The following ERLIN1 variants were observed in gnomAD, a reference collection of about 807,000 sequenced individuals.
The protein encoded by ERLIN1 is ER lipid raft associated 1, also known as erlin-1.
ERLIN1 carries 24 observed loss-of-function variants against 46.9 expected under a neutral mutation model. The ratio of observed to expected loss-of-function variants is 0.51; its 90% CI spans 0.37 to 0.72. The LOEUF (loss-of-function observed/expected upper bound fraction) is 0.72. ERLIN1 is among the 30% of genes least tolerant of loss of function. The probability of loss-of-function intolerance (pLI) is 0.00; values close to 1 mark genes in which losing one functional copy is unlikely to be tolerated. For missense variants in ERLIN1, 293 were observed against 417.9 expected, an observed-to-expected ratio of 0.70 and a Z score of 2.61; for synonymous variants, 158 against 143.2, an observed-to-expected ratio of 1.10 and a Z score of -0.74.
intron 8 of ERLIN1, among the ~76,000 whole-genome samples, chr10:100,158,823 G>A (rs115272306): frequency 0.01 from 1,531 of 151,930 alleles, 20 homozygotes; most frequent in Middle Eastern, 0.041. Context: ...TTCCAATCAA[G>A]TAAAAGGAAG....
At chr10:100,179,107 A>G in intron 3 of ERLIN1, 94 bp downstream of exon 3, 1 of 935,466 alleles carries the variant, frequency 1.1e-6, no homozygotes, top group Non-Finnish European at 1.7e-6. Flanking sequence ...GTTAACTATC[A>G]TGCCTATTTG....
intron 8 of ERLIN1, among the ~76,000 whole-genome samples, chr10:100,158,520 C>T (rs1476187278): frequency 2.0e-5 from 3 of 151,492 alleles, no homozygotes; most frequent in Admixed American, 6.5e-5. Flanking sequence ...AACTTTCACT[C>T]CTTAGTCTTC....
intron 10 of ERLIN1, 71 bp downstream of exon 10, chr10:100,154,789 T>A (rs1842986847): frequency 2.5e-6 from 3 of 1,192,920 alleles, no homozygotes; most frequent in Non-Finnish European, 3.7e-6. Flanking sequence ...TTCTATCATA[T>A]CAGAGCTCCT....
At position 100,183,773 on chromosome 10, in the gene ERLIN1, T is replaced by C. The variant is rs1040330782; in HGVS notation, c.178A>G (p.Thr60Ala). The C allele has an allele frequency of 1.1e-5, 17 of 1,612,708 alleles. No individual in the cohort carries two copies. Among genetic ancestry groups the C allele is most frequent in the East Asian group, 2.2e-5 (1 of 44,880 alleles). ...TCACTCACCTGCACAGATCTGAACG[T>C]AGTAATGAAAGGCAACATGATATGA... Reference protein sequence around the residue: ...GYHIMLPFITTFRSVQTTLQT... With the variant: ...GYHIMLPFITAFRSVQTTLQT... Residue 60 changes from threonine (T) to alanine (A), a missense_variant, in exon 2 of 11, where the codon ACG becomes GCG. Physicochemically the swap from Thr to Ala is moderately conservative, Grantham distance 58. Transcript: ENST00000421367.
chr10:100,185,966 C>T lies in ERLIN1; in HGVS notation c.-340G>A, dbSNP rs1844958812. 2 of 461,684 alleles carry T rather than the reference C, an allele frequency of 4.3e-6. No homozygotes were observed. Among genetic ancestry groups the T allele is most frequent in the African/African-American group, 4.1e-5 (2 of 49,332 alleles). The allele number at this position is 461,684 out of a possible 1,614,324, so 28.6% of individuals were successfully genotyped here. ...GACCCCTCGGCCGCGCCTCACCGAT[C>T]AGTGACGCATCGCCCCCGCCCGCAC... On this transcript the variant is annotated 5_prime_UTR_variant, in exon 1 of 11. It removes the in-frame stop codon of an upstream open reading frame in the 5' UTR. Coordinates refer to ENST00000421367, the MANE Select transcript of ERLIN1 (RefSeq NM_006459.4).
chr10:100,161,389 G>A (rs1166141105), intron 8 of ERLIN1, among the ~76,000 whole-genome samples: 1 of 152,136 alleles, frequency 6.6e-6, no homozygotes, highest in Non-Finnish European at 1.5e-5. Flanking sequence ...TAATAAATGT[G>A]CAAGAACTTT....
At chr10:100,165,587 T>C (rs948377147) in intron 7 of ERLIN1, among the ~76,000 whole-genome samples, 17 of 151,746 alleles carry the variant, frequency 1.1e-4, no homozygotes, top group Non-Finnish European at 1.5e-4. Flanking sequence ...GGGGTTTCAT[T>C]GTGTTAGCTA....
intron 4 of ERLIN1, among the ~76,000 whole-genome samples, chr10:100,176,631 T>A (rs1276216311): frequency 6.6e-6 from 1 of 152,210 alleles, no homozygotes; most frequent in Non-Finnish European, 1.5e-5. Context: ...GTAATTTACA[T>A]AAATTAGCAC....
chr10:100,173,264 G>A (rs372617300), intron 6 of ERLIN1, among the ~76,000 whole-genome samples: 1 of 152,234 alleles, frequency 6.6e-6, no homozygotes, highest in East Asian at 1.9e-4. Context: ...GTCTCCTAGA[G>A]CTCCTGAGAA....
chr10:100,173,908 T>C (rs1260081262), intron 6 of ERLIN1, among the ~76,000 whole-genome samples: 1 of 152,214 alleles, frequency 6.6e-6, no homozygotes, highest in Non-Finnish European at 1.5e-5. Context: ...GCAGGGATTA[T>C]GCTTACACTG....
intron 10 of ERLIN1, 104 bp downstream of exon 10, chr10:100,154,756 T>TAAG: frequency 1.1e-6 from 1 of 896,418 alleles, no homozygotes; most frequent in Non-Finnish European, 1.8e-6. Context: ...TCACTACACT[T>TAAG]TCTTGACAAT....
In ERLIN1 at chr10:100,178,207, A is replaced by G. The variant is rs1302101934; in HGVS notation, c.243-13T>C. ...CATGACCCCACCACTAAAAACAAAG[A>G]AAAAAAGTGTGAACTACTAAAGGCA... On this transcript the variant is annotated splice_polypyrimidine_tract_variant and intron_variant, in intron 3 of 10. Transcript: ENST00000421367. The G allele has an allele frequency of 1.9e-6, 3 of 1,548,584 alleles. No individual in the cohort carries two copies. The highest frequency in any genetic ancestry group is 3.8e-5 in the Admixed American group (2 of 52,546).
chr10:100,163,021 C>T (rs536871742), intron 8 of ERLIN1, among the ~76,000 whole-genome samples: 3 of 152,088 alleles, frequency 2.0e-5, no homozygotes, highest in South Asian at 4.1e-4. Context: ...AAACTAGGCC[C>T]GCTCATAGAA....
rs1235817280 is a variant in ERLIN1 at position 100,168,710 on chromosome 10, G to C, written c.505-1304C>G. 2.3e-5 allele frequency among the ~76,000 whole-genome samples: 3 copies of C among 130,960 alleles called. No homozygotes were observed. The Admixed American group carries it at 2.4e-4, about 10-fold the overall frequency. The allele number at this position is 130,960 out of a possible 152,430, so 85.9% of individuals were successfully genotyped here. On this transcript the variant is annotated intron_variant, in intron 6 of 10. Transcript: ENST00000421367. ...TTTTTTTTTTTTGAGATGGAGTTTTGCTCTTGTTACCCAGGCTGGAGTGCG... is the reference window on the plus strand; with the variant it reads ...TTTTTTTTTTTTGAGATGGAGTTTTCCTCTTGTTACCCAGGCTGGAGTGCG...
At chr10:100,177,465 T>C (rs553611705) in intron 4 of ERLIN1, among the ~76,000 whole-genome samples, 1 of 152,314 alleles carries the variant, frequency 6.6e-6, no homozygotes, top group South Asian at 2.1e-4. Context: ...TATATCCTTT[T>C]TTAGCTCTGT....
Position 100,151,992 on chromosome 10 carries a change from G to GAGC in ERLIN1, c.*136_*138dup. ...AGCTGGCTCTATCCTCCAATCAGTG[G>GAGC]AGCACCCAGGACTATCGCAGGAGAG... On this transcript the variant is annotated 3_prime_UTR_variant, in exon 11 of 11. Transcript: ENST00000421367. The GAGC allele has an allele frequency of 1.4e-6, 1 of 712,200 alleles. No individual in the cohort carries two copies. The highest frequency in any genetic ancestry group is 1.5e-5 in the South Asian group (1 of 66,730). The allele number at this position is 712,200 out of a possible 1,614,324, so 44.1% of individuals were successfully genotyped here.
chr10:100,181,295 T>C (rs1379009766), intron 2 of ERLIN1, among the ~76,000 whole-genome samples: 1 of 152,204 alleles, frequency 6.6e-6, no homozygotes, highest in Non-Finnish European at 1.5e-5. Flanking sequence ...AGAAAATTTA[T>C]TTAAAAAGTG....
Position 100,150,664 on chromosome 10 carries a change from TC to T in ERLIN1, c.*1466del, listed in dbSNP as rs1481786793. ...AGTGTTTGGCACAACCAACAAACTG[TC>T]ATGAGACTGACAGGCCTGACAGCTG... is the stretch of plus-strand genomic sequence containing the variant. On this transcript the variant is annotated 3_prime_UTR_variant, in exon 11 of 11. Coordinates refer to ENST00000421367, the MANE Select transcript of ERLIN1 (RefSeq NM_006459.4). 6.6e-6 allele frequency: 1 copy of T among 152,628 alleles called. No individual in the cohort carries two copies. Among genetic ancestry groups the T allele is most frequent in the Non-Finnish European group, 1.5e-5 (1 of 68,038 alleles). 9.5% of individuals were successfully genotyped at this position (152,628 alleles called of 1,614,324 possible). A position where few individuals can be genotyped will look rare whatever the true frequency, so the allele number is the denominator to read the frequency against.
In ERLIN1 at chr10:100,152,044, T is replaced by C. The variant is rs756494764; in HGVS notation, c.*87A>G. 15 of 850,912 alleles carry C rather than the reference T, an allele frequency of 1.8e-5. No individual in the cohort carries two copies. Among genetic ancestry groups the C allele is most frequent in the Non-Finnish European group, 3.0e-5 (15 of 503,288 alleles). 52.7% of individuals were successfully genotyped at this position (850,912 alleles called of 1,614,324 possible). ...TGGAACAGATGAAGTGTAAGTTCTC[T>C]GTAAATCTGAAGAGTCCGTATAATG... On this transcript the variant is annotated 3_prime_UTR_variant, in exon 11 of 11. Transcript: ENST00000421367.
Sources: gnomAD v4.1 joint callset for allele counts (sites outside exome capture counted in the v4.1 genomes callset) on GRCh38, gnomAD v4.1.1 for gene constraint, MANE v1.5 for transcripts, NCBI Gene and HGNC (gene_info 2026-07-23, HGNC 2026-07-21) for gene names.